SHC3: variants seen among roughly 807,000 people sequenced by gnomAD.
The protein encoded by SHC3 is SHC adaptor protein 3, also known as SHC-transforming protein 3.
Under a neutral mutation model 60.4 loss-of-function variants are expected in SHC3, and 15 were observed. The ratio of observed to expected loss-of-function variants is 0.25; its 90% CI spans 0.17 to 0.38. SHC3 has a LOEUF of 0.38. SHC3 is among the 10% of genes least tolerant of loss of function. The probability of loss-of-function intolerance (pLI) is 1.00; values close to 1 mark genes in which losing one functional copy is unlikely to be tolerated. For missense variants in SHC3, 677 were observed against 786.1 expected (o/e 0.86, Z 1.66); for synonymous variants, 294 against 325.9 (o/e 0.90, Z 1.05).
At chr9:89,103,509 G>A (rs927186813) in intron 2 of SHC3, among the ~76,000 whole-genome samples, 4 of 152,154 alleles carry the variant, frequency 2.6e-5, no homozygotes, top group Admixed American at 1.3e-4. Context: ...ATGTCCAGGA[G>A]GCTAGGCTAC....
At chr9:89,133,186 A>C (rs1383860203) in intron 1 of SHC3, among the ~76,000 whole-genome samples, 1 of 152,248 alleles carries the variant, frequency 6.6e-6, no homozygotes, top group Non-Finnish European at 1.5e-5. Context: ...GCCATCAGAG[A>C]AATGCAAATC....
At chr9:89,037,783 T>G (rs1223671679) in intron 11 of SHC3, among the ~76,000 whole-genome samples, 8 of 152,222 alleles carry the variant, frequency 5.3e-5, no homozygotes, top group African/African-American at 1.9e-4. Context: ...TCTAAAAGTT[T>G]TAAAACTTGT....
chr9:89,050,250 G>A (rs1311356291), intron 7 of SHC3, among the ~76,000 whole-genome samples: 1 of 152,142 alleles, frequency 6.6e-6, no homozygotes, highest in African/African-American at 2.4e-5. Context: ...ATATCCTGGA[G>A]TTGTGTATAG....
At chr9:89,065,502 A>C in intron 6 of SHC3, 27 bp downstream of exon 6, 1 of 1,613,062 alleles carries the variant, frequency 6.2e-7, no homozygotes, top group Non-Finnish European at 8.5e-7. Flanking sequence ...CACAAACAAG[A>C]GATTAAAGGG....
intron 1 of SHC3, among the ~76,000 whole-genome samples, chr9:89,116,220 TCAC>T (rs1000650466): frequency 8.5e-5 from 13 of 152,156 alleles, no homozygotes; most frequent in African/African-American, 3.1e-4. Context: ...TACATAAACA[TCAC>T]CAACAACGTC....
At chr9:89,055,019 C>T in intron 6 of SHC3, among the ~76,000 whole-genome samples, 1 of 152,244 alleles carries the variant, frequency 6.6e-6, no homozygotes, top group East Asian at 1.9e-4. Flanking sequence ...AGGACTACTC[C>T]ATAACTGAGA....
chr9:89,019,797 TACTC>T (rs1826168016), intron 11 of SHC3, among the ~76,000 whole-genome samples: 1 of 152,216 alleles, frequency 6.6e-6, no homozygotes, highest in African/African-American at 2.4e-5. Context: ...TGGATAGGAA[TACTC>T]AATATTGTCA....
intron 2 of SHC3, among the ~76,000 whole-genome samples, chr9:89,083,598 G>C (rs1825480626): frequency 6.6e-6 from 1 of 152,230 alleles, no homozygotes; most frequent in South Asian, 2.1e-4. Flanking sequence ...GCAGGGAGAT[G>C]AGCTGGGAAG....
intron 2 of SHC3, among the ~76,000 whole-genome samples, chr9:89,089,362 G>A (rs1157477985): frequency 6.6e-6 from 1 of 152,174 alleles, no homozygotes; most frequent in African/African-American, 2.4e-5. Context: ...CATGTGCAAC[G>A]CTGATCTTGG....
chr9:89,130,966 G>A (rs1475023118), intron 1 of SHC3, among the ~76,000 whole-genome samples: 1 of 152,066 alleles, frequency 6.6e-6, no homozygotes, highest in Non-Finnish European at 1.5e-5. Context: ...AATGAATCCA[G>A]GAGCTGGTTT....
chr9:89,117,079 C>A lies in SHC3; in HGVS notation c.475-4453G>T, dbSNP rs536168031. Among the ~76,000 whole-genome samples, 15 of 152,252 alleles carry A rather than the reference C, an allele frequency of 9.9e-5. No homozygotes were observed. The East Asian group carries it at 2.9e-3, about 29-fold the overall frequency. ...CATTGAAGAGTGATGTGGTTACCAC[C>A]CACTAACATATAGTCACAGAATTAT... On this transcript the variant is annotated intron_variant, in intron 1 of 11. Transcript: ENST00000375835.
intron 1 of SHC3, among the ~76,000 whole-genome samples, chr9:89,164,352 T>C (rs1826754229): frequency 6.6e-6 from 1 of 152,076 alleles, no homozygotes. Flanking sequence ...AGCTGAGTCT[T>C]GAAGGACAAA....
intron 1 of SHC3, among the ~76,000 whole-genome samples, chr9:89,113,909 T>C (rs1825986203): frequency 6.6e-6 from 1 of 152,158 alleles, no homozygotes; most frequent in Admixed American, 6.5e-5. Context: ...ATTGCAGAGT[T>C]ATGTGATTAC....
At position 89,155,132 on chromosome 9, in the gene SHC3, C is replaced by A. The variant is rs1448640824; in HGVS notation, c.474+22855G>T. Among the ~76,000 whole-genome samples the A allele has an allele frequency of 3.9e-5, 6 of 152,304 alleles. No individual in the cohort carries two copies. The East Asian group carries it at 1.2e-3, about 29-fold the overall frequency. On this transcript the variant is annotated intron_variant, in intron 1 of 11. Transcript: ENST00000375835. ...TGACCCTGTGTGGCCTGCTGACCCC[C>A]TCTCTGTGCAGCTGAAGCCGGTGCC...
chr9:89,105,208 G>A (rs1825840586), intron 2 of SHC3, among the ~76,000 whole-genome samples: 1 of 152,136 alleles, frequency 6.6e-6, no homozygotes, highest in African/African-American at 2.4e-5. Context: ...CAGTCCTCCT[G>A]CCTTTCTGAA....
chr9:89,081,348 G>C (rs1249374066), intron 2 of SHC3, among the ~76,000 whole-genome samples: 2 of 152,150 alleles, frequency 1.3e-5, no homozygotes, highest in African/African-American at 4.8e-5. Context: ...ATGGTAACCA[G>C]AATGCAGATT....
intron 6 of SHC3, among the ~76,000 whole-genome samples, chr9:89,065,214 A>G (rs962147047): frequency 6.6e-6 from 1 of 152,150 alleles, no homozygotes; most frequent in Admixed American, 6.5e-5. Flanking sequence ...GCTGGGCAGG[A>G]GGACAGGCAG....
chr9:89,081,618 C>T (rs1825446235), intron 2 of SHC3, among the ~76,000 whole-genome samples: 1 of 152,196 alleles, frequency 6.6e-6, no homozygotes, highest in Middle Eastern at 3.4e-3. Context: ...TCCCACCCCC[C>T]TAGTCCTTTC....
Position 89,013,197 on chromosome 9 carries a change from C to G in SHC3, c.*250G>C. 1 of 285,426 alleles carries G rather than the reference C, an allele frequency of 3.5e-6. No individual in the cohort carries two copies. Among genetic ancestry groups the G allele is most frequent in the Non-Finnish European group, 6.3e-6 (1 of 158,100 alleles). The allele number at this position is 285,426 out of a possible 1,614,324, so 17.7% of individuals were successfully genotyped here. On this transcript the variant is annotated 3_prime_UTR_variant, in exon 12 of 12. Transcript: ENST00000375835. ...CACAGAACATTAGTCTTACATCTTT[C>G]TTAGTCTTAAAAAATATAAATATAG...
Sources: allele counts gnomAD v4.1 joint callset (sites outside exome capture counted in the v4.1 genomes callset), GRCh38; gene constraint gnomAD v4.1.1; transcripts MANE v1.5; gene names NCBI Gene and HGNC (gene_info 2026-07-23, HGNC 2026-07-21).